The following KCNH8 variants were observed in gnomAD, a reference collection of about 807,000 sequenced individuals.
The protein encoded by KCNH8 is voltage-gated delayed rectifier potassium channel KCNH8.
KCNH8 carries 70 observed loss-of-function variants against 103.6 expected under a neutral mutation model. That is an observed-to-expected ratio of 0.68 (90% CI 0.56 to 0.82). KCNH8 has a LOEUF of 0.82. Among genes scored for constraint, KCNH8 ranks in the 40% least tolerant of loss-of-function variants. The pLI, the probability that KCNH8 is intolerant of heterozygous loss-of-function variation, is 0.00. For missense variants in KCNH8, 1,217 were observed against 1,329.9 expected (o/e 0.92, Z 1.32); for synonymous variants, 498 against 489.4 (o/e 1.02, Z -0.23).
intron 1 of KCNH8, among the ~76,000 whole-genome samples, chr3:19,232,747 G>A (rs2064010566): frequency 2.0e-5 from 3 of 152,166 alleles, no homozygotes; most frequent in Admixed American, 6.5e-5. Context: ...TGAAGCATCT[G>A]AGAGGTATGG....
At chr3:19,439,151 C>G (rs1384391733) in intron 8 of KCNH8, among the ~76,000 whole-genome samples, 1 of 152,168 alleles carries the variant, frequency 6.6e-6, no homozygotes, top group Non-Finnish European at 1.5e-5. Flanking sequence ...CCCAAATACA[C>G]TTACTTTGGA....
intron 3 of KCNH8, 105 bp from the exon 4 acceptor site, chr3:19,342,482 T>C (rs933787234): frequency 9.2e-7 from 1 of 1,090,186 alleles, no homozygotes; most frequent in African/African-American, 1.6e-5. Context: ...ATTGTAGGTA[T>C]TGGAAAACAT....
intron 5 of KCNH8, 122 bp from the exon 6 acceptor site, chr3:19,390,355 CCCTT>C (rs989607865): frequency 2.6e-5 from 18 of 683,058 alleles, no homozygotes; most frequent in Admixed American, 1.2e-4. Flanking sequence ...TTTTCTTCCT[CCCTT>C]CCTTCCTGCT....
At chr3:19,258,604 A>T (rs1426737179) in intron 2 of KCNH8, among the ~76,000 whole-genome samples, 1 of 151,902 alleles carries the variant, frequency 6.6e-6, no homozygotes, top group East Asian at 1.9e-4. Flanking sequence ...TTTTGAAAGG[A>T]TTTATTTCCC....
chr3:19,298,033 A>C (rs929515700), intron 3 of KCNH8, among the ~76,000 whole-genome samples: 20 of 152,208 alleles, frequency 1.3e-4, no homozygotes, highest in African/African-American at 4.8e-4. Context: ...ATGCAATTGT[A>C]CATCACCATT....
At position 19,253,849 on chromosome 3, in the gene KCNH8, C is replaced by A; in HGVS notation, c.272C>A (p.Thr91Lys). Residue 91 changes from threonine (T) to lysine (K), a missense_variant, in exon 2 of 16, where the codon ACA becomes AAA. Coordinates refer to ENST00000328405, the MANE Select transcript of KCNH8 (RefSeq NM_144633.3). ...ATAGAAAAGTCACTGGAGGAGAAAA[C>A]AGAATTCAAAGGAGAAATTATGTTC... ...LQIEKSLEEK[T>K]EFKGEIMFYK... 1 of 1,613,574 alleles carries A rather than the reference C, an allele frequency of 6.2e-7. No individual in the cohort carries two copies. The highest frequency in any genetic ancestry group is 8.5e-7 in the Non-Finnish European group (1 of 1,179,710).
intron 11 of KCNH8, among the ~76,000 whole-genome samples, chr3:19,490,729 T>TG (rs1393871386): frequency 2.0e-5 from 3 of 152,190 alleles, no homozygotes; most frequent in Non-Finnish European, 4.4e-5. Context: ...CTCATCTCCC[T>TG]GGGCAATAGT....
At chr3:19,267,601 C>A (rs2064530488) in intron 2 of KCNH8, among the ~76,000 whole-genome samples, 1 of 152,016 alleles carries the variant, frequency 6.6e-6, no homozygotes, top group Non-Finnish European at 1.5e-5. Context: ...TGCACAGTCA[C>A]CAAGGTGCTG....
rs977680149 is a variant in KCNH8 at position 19,265,299 on chromosome 3, A to G, written c.310+11412A>G. ...AGCACACATTATCAGGAACAGCCAC[A>G]TAATGTGCAAATGAAAGTGCAGATG... On this transcript the variant is annotated intron_variant, in intron 2 of 15. Transcript: ENST00000328405. Among the ~76,000 whole-genome samples the G allele has an allele frequency of 4.6e-5, 7 of 152,106 alleles. 1 individual carries two copies. The highest frequency in any genetic ancestry group is 3.9e-4 in the Admixed American group (6 of 15,252).
At chr3:19,330,362 G>A (rs182799159) in intron 3 of KCNH8, among the ~76,000 whole-genome samples, 144 of 151,972 alleles carry the variant, frequency 9.5e-4, no homozygotes, top group Admixed American at 2.1e-3. Context: ...CCTCAATTAC[G>A]TCTATTTTTC....
chr3:19,207,616 T>G (rs2063730139), intron 1 of KCNH8, among the ~76,000 whole-genome samples: 1 of 152,016 alleles, frequency 6.6e-6, no homozygotes, highest in Admixed American at 6.6e-5. Flanking sequence ...ATATATCAAG[T>G]CTTTTGAGAC....
chr3:19,163,637 ATTG>A (rs892618772), intron 1 of KCNH8, among the ~76,000 whole-genome samples: 9 of 152,250 alleles, frequency 5.9e-5, no homozygotes, highest in African/African-American at 1.9e-4. Flanking sequence ...CACAATTTTA[ATTG>A]TTAATACACA....
At chr3:19,247,031 A>G (rs1318390787) in intron 1 of KCNH8, among the ~76,000 whole-genome samples, 1 of 152,194 alleles carries the variant, frequency 6.6e-6, no homozygotes, top group African/African-American at 2.4e-5. Flanking sequence ...TTGCACTGTT[A>G]CAAAGCTTTC....
intron 3 of KCNH8, among the ~76,000 whole-genome samples, chr3:19,338,974 G>A (rs925625364): frequency 2.0e-5 from 3 of 151,992 alleles, no homozygotes; most frequent in Admixed American, 1.3e-4. Context: ...ACACCCATAT[G>A]TTATGTATAT....
At chr3:19,321,684 C>T (rs1219713967) in intron 3 of KCNH8, among the ~76,000 whole-genome samples, 2 of 152,008 alleles carry the variant, frequency 1.3e-5, no homozygotes, top group Non-Finnish European at 2.9e-5. Context: ...CTGTAAATAA[C>T]TGTTAAGTCT....
At chr3:19,398,307 A>C (rs1484331477) in intron 7 of KCNH8, among the ~76,000 whole-genome samples, 8 of 151,972 alleles carry the variant, frequency 5.3e-5, no homozygotes. Flanking sequence ...ATAGGTATAG[A>C]GGGGTGGCAC....
chr3:19,286,373 G>A (rs957002706), intron 3 of KCNH8, among the ~76,000 whole-genome samples: 2 of 152,218 alleles, frequency 1.3e-5, no homozygotes, highest in African/African-American at 2.4e-5. Context: ...CAAACAAAGA[G>A]ACACCAGCGG....
intron 11 of KCNH8, among the ~76,000 whole-genome samples, chr3:19,457,590 G>A (rs1346731401): frequency 3.3e-5 from 5 of 151,948 alleles, no homozygotes; most frequent in Admixed American, 6.6e-5. Context: ...TAAGCTGATC[G>A]TGAACATGAC....
At chr3:19,373,972 G>C (rs866115742) in intron 5 of KCNH8, among the ~76,000 whole-genome samples, 1 of 152,200 alleles carries the variant, frequency 6.6e-6, no homozygotes, top group African/African-American at 2.4e-5. Flanking sequence ...TGGTCTGAGA[G>C]ATAGTTTGTT....
Sources: gnomAD v4.1 joint callset for allele counts (sites outside exome capture counted in the v4.1 genomes callset) on GRCh38, gnomAD v4.1.1 for gene constraint, MANE v1.5 for transcripts, NCBI Gene and HGNC (gene_info 2026-07-23, HGNC 2026-07-21) for gene names.